TRABD2A: variants seen among roughly 807,000 people sequenced by gnomAD.
TRABD2A encodes metalloprotease TIKI1.
In TRABD2A, 43 loss-of-function variants were observed where a neutral mutation model predicts 45.6. The observed-to-expected ratio is 0.94, with a 90% CI of 0.74 to 1.22. The LOEUF is 1.22. Ranked by LOEUF, TRABD2A falls within the 50% of genes most tolerant of loss-of-function variation. The probability of loss-of-function intolerance (pLI) is 0.00; values close to 1 mark genes in which losing one functional copy is unlikely to be tolerated. For missense variants in TRABD2A, 642 were observed against 652.4 expected (o/e 0.98, Z 0.17); for synonymous variants, 269 against 265.0 (o/e 1.02, Z -0.15).
rs371865663 is a variant in TRABD2A, at chr2:84,870,529, C to A, written c.365G>T (p.Arg122Leu). The A allele has an allele frequency of 1.9e-6, 3 of 1,613,988 alleles. No homozygotes were observed. The highest frequency in any genetic ancestry group is 2.5e-6 in the Non-Finnish European group (3 of 1,179,896). The change falls in exon 2 of 7, where the codon CGC becomes CTC. Residue 122 changes from arginine to leucine, a missense_variant. Physicochemically the swap from Arg to Leu is moderately radical, Grantham distance 102 (BLOSUM62 -2). Transcript: ENST00000409520. ...QDVLPRDIYC[R>L]LKRHLEYVKL... The stretch of plus-strand genomic sequence containing the variant: ...GACATACTCCAGGTGGCGCTTGAGG[C>A]GGCAGTAGATGTCCCTGGGGAGCAC...
intron 2 of TRABD2A, chr2:84,851,183 G>A (rs187769110): frequency 6.6e-6 from 1 of 152,202 alleles, no homozygotes; most frequent in Non-Finnish European, 1.5e-5. Flanking sequence ...CAAAATCCAG[G>A]CCATCCCAAC....
intron 2 of TRABD2A, among the ~76,000 whole-genome samples, chr2:84,866,156 A>C (rs1396960744): frequency 6.6e-6 from 1 of 152,208 alleles, no homozygotes; most frequent in Non-Finnish European, 1.5e-5. Flanking sequence ...ATGAGTTAAA[A>C]GAAGTCAAGA....
chr2:84,839,762 A>G (rs1286207680), intron 3 of TRABD2A, among the ~76,000 whole-genome samples: 1 of 152,266 alleles, frequency 6.6e-6, no homozygotes, highest in African/African-American at 2.4e-5. Flanking sequence ...TAAATGTTTT[A>G]TAAATCCTCT....
intron 6 of TRABD2A, among the ~76,000 whole-genome samples, chr2:84,823,362 C>G (rs1681050236): frequency 6.6e-6 from 1 of 152,162 alleles, no homozygotes; most frequent in Non-Finnish European, 1.5e-5. Flanking sequence ...CACATAGCAT[C>G]CGACACAACA....
In TRABD2A at chr2:84,823,816, G is replaced by T; in HGVS notation, c.1334+137C>A. On this transcript the variant is annotated intron_variant, in intron 6 of 6. Transcript: ENST00000409520. ...GCTTCTGTCACAGTGGACAGAAAAA[G>T]GGTGCCTGGGGTCATGAGGAAAGGG... The T allele has an allele frequency of 5.7e-6, 7 of 1,224,736 alleles. No homozygotes were observed. In the South Asian group the frequency reaches 1.1e-4, roughly 20 times the overall value. 75.9% of individuals were successfully genotyped at this position (1,224,736 alleles called of 1,614,324 possible).
intron 2 of TRABD2A, among the ~76,000 whole-genome samples, chr2:84,844,768 G>A (rs1461262059): frequency 6.6e-6 from 1 of 152,154 alleles, no homozygotes; most frequent in Non-Finnish European, 1.5e-5. Flanking sequence ...CTGGCCCCAG[G>A]CCCAAGTCCC....
At chr2:84,847,883 C>G (rs55717537) in intron 2 of TRABD2A, among the ~76,000 whole-genome samples, 33,266 of 152,160 alleles carry the variant, frequency 0.22, 3,983 homozygotes, top group African/African-American at 0.31. Context: ...GTTGGGAAAG[C>G]ATCTATTCCA....
At chr2:84,842,576 A>G (rs1681747437) in intron 2 of TRABD2A, among the ~76,000 whole-genome samples, 1 of 152,118 alleles carries the variant, frequency 6.6e-6, no homozygotes, top group Non-Finnish European at 1.5e-5. Flanking sequence ...TAAAAATACA[A>G]AAATTAGCTG....
At chr2:84,845,517 T>C (rs1040235585) in intron 2 of TRABD2A, among the ~76,000 whole-genome samples, 1 of 150,196 alleles carries the variant, frequency 6.7e-6, no homozygotes. Flanking sequence ...TCTGGCCCTG[T>C]GGTCCTCAAG....
chr2:84,875,183 C>T (rs1489855824), intron 1 of TRABD2A, among the ~76,000 whole-genome samples: 1 of 152,172 alleles, frequency 6.6e-6, no homozygotes, highest in African/African-American at 2.4e-5. Flanking sequence ...AGTACTGTGG[C>T]ACAGGGTTGC....
At chr2:84,857,983 T>G (rs931391430) in intron 2 of TRABD2A, among the ~76,000 whole-genome samples, 2 of 152,188 alleles carry the variant, frequency 1.3e-5, no homozygotes, top group African/African-American at 4.8e-5. Context: ...CCAAGTGATC[T>G]TCCTGCCTTA....
chr2:84,866,848 A>T (rs1266769322), intron 2 of TRABD2A, among the ~76,000 whole-genome samples: 1 of 152,108 alleles, frequency 6.6e-6, no homozygotes, highest in African/African-American at 2.4e-5. Flanking sequence ...ACTTTGGGAG[A>T]CTGAGGCAGG....
chr2:84,850,126 T>C (rs1211315697), intron 2 of TRABD2A, among the ~76,000 whole-genome samples: 2 of 152,110 alleles, frequency 1.3e-5, no homozygotes, highest in Non-Finnish European at 2.9e-5. Context: ...GAACAAAAAA[T>C]TGCCAGGTAG....
At chr2:84,823,920 G>A (rs746576060) in intron 6 of TRABD2A, 33 bp downstream of exon 6, 1 of 1,610,758 alleles carries the variant, frequency 6.2e-7, no homozygotes, top group East Asian at 2.2e-5. Flanking sequence ...GGGTAAAGGT[G>A]GATGCCAACC....
At chr2:84,849,708 C>T (rs1310810835) in intron 2 of TRABD2A, among the ~76,000 whole-genome samples, 1 of 152,174 alleles carries the variant, frequency 6.6e-6, no homozygotes, top group Non-Finnish European at 1.5e-5. Context: ...GAAATGAATA[C>T]CCGACATGTC....
chr2:84,824,711 C>T (rs1403143319), intron 5 of TRABD2A, among the ~76,000 whole-genome samples: 3 of 152,020 alleles, frequency 2.0e-5, no homozygotes, highest in African/African-American at 7.2e-5. Flanking sequence ...GACTAGTGAA[C>T]AGTAAAGCTT....
At chr2:84,861,525 G>A (rs1001330266) in intron 2 of TRABD2A, among the ~76,000 whole-genome samples, 8 of 152,204 alleles carry the variant, frequency 5.3e-5, no homozygotes, top group African/African-American at 1.9e-4. Context: ...GCAGTAATGC[G>A]AGTGATAGGG....
At position 84,824,217 on chromosome 2, in the gene TRABD2A, G is replaced by C. The variant is rs369888550; in HGVS notation, c.1083-13C>G. On this transcript the variant is annotated splice_polypyrimidine_tract_variant and intron_variant, in intron 5 of 6. Coordinates refer to ENST00000409520, the MANE Select transcript of TRABD2A (RefSeq NM_001277053.2). ...TTTACTCTTCCCTCTGTACGCAAGT[G>C]GAAGGAGAAGGTATTTGGAGGAGGG... The C allele has an allele frequency of 5.2e-5, 84 of 1,613,178 alleles. No homozygotes were observed. In the African/African-American group the frequency reaches 8.8e-4, roughly 17 times the overall value.
chr2:84,828,066 C>T (rs1273062660), intron 5 of TRABD2A, among the ~76,000 whole-genome samples: 1 of 152,196 alleles, frequency 6.6e-6, no homozygotes, highest in East Asian at 1.9e-4. Flanking sequence ...GTATCCATTA[C>T]CCCAGGGGGA....
Sources: gnomAD v4.1 joint callset for allele counts (sites outside exome capture counted in the v4.1 genomes callset) on GRCh38, gnomAD v4.1.1 for gene constraint, MANE v1.5 for transcripts, NCBI Gene and HGNC (gene_info 2026-07-23, HGNC 2026-07-21) for gene names.